Variants in KANK1 observed in about 807,000 individuals in gnomAD.
KANK1 encodes KN motif and ankyrin repeat domains 1.
In KANK1, 109 loss-of-function variants were observed where a neutral mutation model predicts 106.2. That is an observed-to-expected ratio of 1.03 (90% CI 0.88 to 1.20). The LOEUF is 1.20. Ranked by LOEUF, KANK1 falls within the 50% of genes most tolerant of loss-of-function variation. The pLI is 0.00. For synonymous variants in KANK1, 873 were observed against 652.2 expected (o/e 1.34, Z -5.16); for missense variants, 2,399 against 1,710.7 (o/e 1.40, Z -7.10).
At chr9:716,548 TA>T (rs1313986372) in intron 3 of KANK1, among the ~76,000 whole-genome samples, 2 of 152,186 alleles carry the variant, frequency 1.3e-5, no homozygotes, top group East Asian at 3.9e-4. Flanking sequence ...ACAAAATTGA[TA>T]AATGTTCAGT....
At chr9:741,807 G>T (rs1309335869) in intron 9 of KANK1, among the ~76,000 whole-genome samples, 1 of 151,806 alleles carries the variant, frequency 6.6e-6, no homozygotes, top group Non-Finnish European at 1.5e-5. Context: ...TTTAAGTAGA[G>T]ATGGGGTTTC....
chr9:660,695 C>T (rs929894289), intron 1 of KANK1, among the ~76,000 whole-genome samples: 2 of 152,152 alleles, frequency 1.3e-5, no homozygotes, highest in African/African-American at 4.8e-5. Flanking sequence ...CTGTCACCAC[C>T]CGAACAATCC....
intron 1 of KANK1, among the ~76,000 whole-genome samples, chr9:556,015 C>CTA (rs1199069172): frequency 6.6e-5 from 10 of 152,162 alleles, no homozygotes; most frequent in Non-Finnish European, 1.3e-4. Flanking sequence ...TTTAATCATA[C>CTA]TATAAAATAC....
intron 1 of KANK1, among the ~76,000 whole-genome samples, chr9:581,263 G>T (rs1484113036): frequency 6.6e-6 from 1 of 152,226 alleles, no homozygotes; most frequent in East Asian, 1.9e-4. Flanking sequence ...AGCACGGCCA[G>T]AGGGGGCGCC....
At chr9:595,423 G>A (rs191953990) in intron 1 of KANK1, among the ~76,000 whole-genome samples, 4 of 152,018 alleles carry the variant, frequency 2.6e-5, no homozygotes, top group African/African-American at 7.3e-5. Context: ...CCAAACTTGA[G>A]CGTTGCAATC....
chr9:721,268 C>T (rs528370691), intron 3 of KANK1, among the ~76,000 whole-genome samples: 9 of 152,218 alleles, frequency 5.9e-5, no homozygotes, highest in East Asian at 1.9e-4. Context: ...AGGAGCCCCA[C>T]GTTATTTTGG....
chr9:516,170 C>T (rs1019114144), intron 1 of KANK1, among the ~76,000 whole-genome samples: 1 of 151,640 alleles, frequency 6.6e-6, no homozygotes, highest in African/African-American at 2.4e-5. Context: ...GGTGGCAAGA[C>T]TATGTCCTGG....
intron 2 of KANK1, among the ~76,000 whole-genome samples, chr9:705,343 G>C (rs893821677): frequency 6.6e-6 from 1 of 152,018 alleles, no homozygotes; most frequent in Non-Finnish European, 1.5e-5. Context: ...AAAAGTAGCT[G>C]GGCGTGGTGG....
At chr9:630,675 T>G (rs1018233187) in intron 1 of KANK1, among the ~76,000 whole-genome samples, 7 of 151,836 alleles carry the variant, frequency 4.6e-5, no homozygotes, top group African/African-American at 1.7e-4. Context: ...GCCAAGGCGG[T>G]CAGATCACCT....
rs1165313642 is a variant in KANK1 at position 653,225 on chromosome 9, C to G, written c.-83-23665C>G. Among the ~76,000 whole-genome samples the G allele has an allele frequency of 2.0e-5, 3 of 152,082 alleles. No homozygotes were observed. In the East Asian group the frequency reaches 5.8e-4, roughly 29 times the overall value. ...GTCTGGACATGAAGAGTCTGAGGCC[C>G]AGAGCATTTAAGTAACGTTCCCAGA... is the stretch of plus-strand genomic sequence containing the variant. On this transcript the variant is annotated intron_variant, in intron 1 of 11. Coordinates refer to ENST00000382297, the MANE Select transcript of KANK1 (RefSeq NM_015158.5).
upstream of KANK1, among the ~76,000 whole-genome samples, chr9:499,847 T>C (rs780792437): frequency 3.9e-5 from 6 of 152,158 alleles, no homozygotes; most frequent in Non-Finnish European, 8.8e-5. Context: ...CAATTAGAGA[T>C]GAACATGTAT....
At chr9:480,027 AT>A (rs2058176357) in intron 3 of KANK1, among the ~76,000 whole-genome samples, 1 of 152,230 alleles carries the variant, frequency 6.6e-6, no homozygotes, top group South Asian at 2.1e-4. Flanking sequence ...AATCCACTGC[AT>A]CAAAACTAGA....
intron 1 of KANK1, among the ~76,000 whole-genome samples, chr9:523,251 A>C (rs2059630586): frequency 6.6e-6 from 1 of 151,624 alleles, no homozygotes; most frequent in Non-Finnish European, 1.5e-5. Flanking sequence ...TTCTCCCCAC[A>C]GACTTCTAGT....
chr9:742,270 G>T lies in KANK1; in HGVS notation c.3762G>T (p.Leu1254=), dbSNP rs774325461. The part of the protein sequence containing the change: ...HGRIDMVKGL[L]ACGADVNIQD... ...GGATAGACATGGTGAAGGGCCTTCTGGCCTGTGGGGCTGATGTCAACATCC... is the reference window on the plus strand; with the variant it reads ...GGATAGACATGGTGAAGGGCCTTCTTGCCTGTGGGGCTGATGTCAACATCC... The change falls in exon 10 of 12, where the codon CTG becomes CTT. Residue 1254 remains leucine, a synonymous_variant. Transcript: ENST00000382297. 1 of 1,614,194 alleles carries T rather than the reference G, an allele frequency of 6.2e-7. No individual in the cohort carries two copies.
intron 1 of KANK1, among the ~76,000 whole-genome samples, chr9:664,377 C>T (rs999022381): frequency 3.9e-5 from 6 of 152,150 alleles, no homozygotes; most frequent in African/African-American, 7.2e-5. Context: ...CAGTTTCATC[C>T]ATCTTGCTCC....
intron 1 of KANK1, among the ~76,000 whole-genome samples, chr9:576,869 C>A (rs1820701280): frequency 6.6e-6 from 1 of 152,088 alleles, no homozygotes; most frequent in Non-Finnish European, 1.5e-5. Flanking sequence ...TGTATTGTGT[C>A]CGGAATTGGT....
chr9:471,823 A>G (rs949628508), intron 2 of KANK1, among the ~76,000 whole-genome samples: 5 of 152,168 alleles, frequency 3.3e-5, no homozygotes, highest in Non-Finnish European at 5.9e-5. Context: ...GCACTTAGGC[A>G]TTGGAGATTA....
At chr9:649,868 G>C (rs1027020635) in intron 1 of KANK1, among the ~76,000 whole-genome samples, 1 of 152,154 alleles carries the variant, frequency 6.6e-6, no homozygotes, top group Non-Finnish European at 1.5e-5. Flanking sequence ...TGACAGTTGC[G>C]ATGCAGCTTG....
intron 1 of KANK1, among the ~76,000 whole-genome samples, chr9:542,615 A>G (rs778364597): frequency 7.2e-5 from 11 of 152,226 alleles, no homozygotes; most frequent in Non-Finnish European, 1.3e-4. Flanking sequence ...TGTCCCTCGC[A>G]GCATGATTCA....
Sources: allele counts gnomAD v4.1 joint callset (sites outside exome capture counted in the v4.1 genomes callset), GRCh38; gene constraint gnomAD v4.1.1; transcripts MANE v1.5; gene names NCBI Gene and HGNC (gene_info 2026-07-23, HGNC 2026-07-21).